PLPPR1: variants seen among roughly 807,000 people sequenced by gnomAD.
PLPPR1 encodes the protein phospholipid phosphatase related 1, also known as phospholipid phosphatase-related protein type 1.
PLPPR1 carries 10 observed loss-of-function variants against 33.1 expected under a neutral mutation model. The observed-to-expected ratio is 0.30, with a 90% CI of 0.19 to 0.51. PLPPR1 has a LOEUF of 0.51. Among genes scored for constraint, PLPPR1 ranks in the 20% least tolerant of loss-of-function variants. PLPPR1 has a pLI of 0.97. For missense variants in PLPPR1, 304 were observed against 408.1 expected (o/e 0.74, Z 2.20); for synonymous variants, 151 against 151.0 (o/e 1.00, Z 0.00).
intron 1 of PLPPR1, among the ~76,000 whole-genome samples, chr9:101,130,228 A>C (rs1480586393): frequency 6.6e-6 from 1 of 152,198 alleles, no homozygotes; most frequent in East Asian, 1.9e-4. Context: ...ACTATTCTGC[A>C]TCTCCCTTTA....
intron 1 of PLPPR1, among the ~76,000 whole-genome samples, chr9:101,091,224 G>C (rs2118532055): frequency 6.6e-6 from 1 of 152,060 alleles, no homozygotes; most frequent in Non-Finnish European, 1.5e-5. Flanking sequence ...AGTTGCCCAG[G>C]ACAGAATCTT....
At chr9:101,143,283 G>T (rs1362630176) in intron 1 of PLPPR1, among the ~76,000 whole-genome samples, 2 of 152,122 alleles carry the variant, frequency 1.3e-5, no homozygotes, top group Admixed American at 1.3e-4. Context: ...CAGACTAGAG[G>T]CTGCCTCTTC....
intron 1 of PLPPR1, among the ~76,000 whole-genome samples, chr9:101,084,840 T>C (rs907311645): frequency 6.6e-6 from 1 of 152,186 alleles, no homozygotes; most frequent in Admixed American, 6.5e-5. Flanking sequence ...TCGATGAATA[T>C]GACAGTGTGA....
At chr9:101,179,343 G>A (rs1826065099) in intron 1 of PLPPR1, among the ~76,000 whole-genome samples, 1 of 152,060 alleles carries the variant, frequency 6.6e-6, no homozygotes, top group South Asian at 2.1e-4. Context: ...ATATAGAATG[G>A]GTAGTAGAAG....
At chr9:101,247,529 T>C (rs1827633182) in intron 2 of PLPPR1, among the ~76,000 whole-genome samples, 1 of 152,112 alleles carries the variant, frequency 6.6e-6, no homozygotes, top group African/African-American at 2.4e-5. Context: ...CATCTCTGGC[T>C]GGTGGTTGTC....
intron 1 of PLPPR1, among the ~76,000 whole-genome samples, chr9:101,048,414 A>T (rs770913766): frequency 1.3e-5 from 2 of 152,184 alleles, no homozygotes; most frequent in Non-Finnish European, 2.9e-5. Context: ...AGTCACAGGG[A>T]TCCTAGAGCC....
At chr9:101,113,599 A>C (rs1831083542) in intron 1 of PLPPR1, among the ~76,000 whole-genome samples, 1 of 151,668 alleles carries the variant, frequency 6.6e-6, no homozygotes, top group Non-Finnish European at 1.5e-5. Flanking sequence ...TGCTTGGGGG[A>C]AAATGTAAGT....
At chr9:101,269,782 A>C in intron 2 of PLPPR1, 98 bp from the exon 3 acceptor site, 7 of 1,151,828 alleles carry the variant, frequency 6.1e-6, no homozygotes, top group Non-Finnish European at 7.8e-6. Context: ...CAATATCAGG[A>C]GAGCCGCTGC....
chr9:101,124,911 A>G lies in PLPPR1; in HGVS notation c.-45-60539A>G, dbSNP rs1831225838. 2.6e-5 allele frequency among the ~76,000 whole-genome samples: 4 copies of G among 152,256 alleles called. No individual in the cohort carries two copies. In the South Asian group the frequency reaches 8.3e-4, roughly 31 times the overall value. On this transcript the variant is annotated intron_variant, in intron 1 of 7. Coordinates refer to ENST00000374874, the MANE Select transcript of PLPPR1 (RefSeq NM_207299.2). The stretch of plus-strand genomic sequence containing the variant: ...GTGCCAGCAAAGACCGCAGAAACCA[A>G]TGCATCCACCCCTTGATTAAGTTTA...
chr9:101,296,442 T>C (rs1228643531), intron 4 of PLPPR1, among the ~76,000 whole-genome samples: 1 of 151,616 alleles, frequency 6.6e-6, no homozygotes, highest in Non-Finnish European at 1.5e-5. Context: ...AGCCATCCCA[T>C]TACTGGGTAT....
intron 1 of PLPPR1, among the ~76,000 whole-genome samples, chr9:101,154,453 G>A (rs574797404): frequency 6.6e-5 from 10 of 152,134 alleles, no homozygotes; most frequent in Non-Finnish European, 7.4e-5. Context: ...TGTATGTGTC[G>A]AGGAATTTAT....
At chr9:101,305,544 C>T (rs924156300) in intron 4 of PLPPR1, among the ~76,000 whole-genome samples, 3 of 152,282 alleles carry the variant, frequency 2.0e-5, no homozygotes, top group Admixed American at 6.5e-5. Flanking sequence ...GGAACATGGT[C>T]CTTCCTTTGC....
At chr9:101,079,645 T>A (rs7030482) in intron 1 of PLPPR1, among the ~76,000 whole-genome samples, 5,698 of 151,848 alleles carry the variant, frequency 0.038, 328 homozygotes, top group African/African-American at 0.13. Flanking sequence ...AGTGGCACGA[T>A]CTTGGCTCAC....
chr9:101,315,305 G>C (rs1829031725), intron 6 of PLPPR1, among the ~76,000 whole-genome samples: 2 of 152,140 alleles, frequency 1.3e-5, no homozygotes, highest in South Asian at 4.1e-4. Flanking sequence ...GTGACTTGAA[G>C]GGAAGAGAAG....
At chr9:101,225,336 A>G (rs1325579804) in intron 2 of PLPPR1, among the ~76,000 whole-genome samples, 1 of 152,082 alleles carries the variant, frequency 6.6e-6, no homozygotes, top group African/African-American at 2.4e-5. Flanking sequence ...CCATTTGTGG[A>G]GTGAAATATT....
chr9:101,289,414 A>T (rs1463825093), intron 4 of PLPPR1, among the ~76,000 whole-genome samples: 1 of 152,226 alleles, frequency 6.6e-6, no homozygotes, highest in Non-Finnish European at 1.5e-5. Flanking sequence ...CCATGTCAAC[A>T]GCATACTTCA....
rs35405804 is a variant in PLPPR1, at chr9:101,305,204, A to AGT, written c.386-3993_386-3992dup. On this transcript the variant is annotated intron_variant, in intron 4 of 7. Transcript: ENST00000374874. ...AAGCTTGAGTTTTCCATGAGGTAAA[A>AGT]GTGTGTGTGTGTGTGCGTGCATGTG... is the stretch of plus-strand genomic sequence containing the variant. 1.3e-4 allele frequency among the ~76,000 whole-genome samples: 19 copies of AGT among 150,152 alleles called. No individual in the cohort carries two copies. The South Asian group carries it at 1.7e-3, about 13-fold the overall frequency.
In PLPPR1 at chr9:101,269,911, C is replaced by T. The variant is rs1406465588; in HGVS notation, c.95C>T (p.Ala32Val). The change falls in exon 3 of 8, where the codon GCC (alanine) becomes GTC (valine). Residue 32 changes from alanine to valine, a missense_variant. Physicochemically the swap from Ala to Val is moderately conservative, Grantham distance 64. Transcript: ENST00000374874. ...LVIMAGTVLL[A>V]YYFECTDTFQ... ...ATCATGGCTGGGACAGTGCTGCTTG[C>T]CTACTACTTCGAATGCACTGACACT... 1 of 1,614,098 alleles carries T rather than the reference C, an allele frequency of 6.2e-7. No individual in the cohort carries two copies. Among genetic ancestry groups the T allele is most frequent in the Non-Finnish European group, 8.5e-7 (1 of 1,180,016 alleles).
intron 1 of PLPPR1, among the ~76,000 whole-genome samples, chr9:101,066,301 G>C (rs1021796390): frequency 6.6e-6 from 1 of 152,012 alleles, no homozygotes; most frequent in African/African-American, 2.4e-5. Context: ...TGACTTATCA[G>C]TATTGATGTT....
Sources: allele counts gnomAD v4.1 joint callset (sites outside exome capture counted in the v4.1 genomes callset), GRCh38; gene constraint gnomAD v4.1.1; transcripts MANE v1.5; gene names NCBI Gene and HGNC (gene_info 2026-07-23, HGNC 2026-07-21).